Variants in PCCA observed in about 807,000 individuals in gnomAD.
PCCA encodes the protein propionyl-CoA carboxylase subunit alpha.
A neutral mutation model predicts 101.3 loss-of-function variants in PCCA; 74 were observed. The ratio of observed to expected loss-of-function variants is 0.73; its 90% confidence interval spans 0.61 to 0.89. The LOEUF is 0.89. Among genes scored for constraint, PCCA ranks in the 40% least tolerant of loss-of-function variants. PCCA has a pLI of 0.00. For synonymous variants in PCCA, 294 were observed against 313.6 expected (o/e 0.94, Z 0.66); for missense variants, 891 against 907.0 (o/e 0.98, Z 0.23).
intron 21 of PCCA, among the ~76,000 whole-genome samples, chr13:100,449,540 A>G (rs1425599226): frequency 2.0e-5 from 3 of 152,132 alleles, no homozygotes; most frequent in Non-Finnish European, 4.4e-5. Flanking sequence ...ATGCTGGAGT[A>G]TAGGGGCACA....
At chr13:100,109,154 A>C (rs1304342910) in intron 2 of PCCA, among the ~76,000 whole-genome samples, 1 of 152,260 alleles carries the variant, frequency 6.6e-6, no homozygotes, top group South Asian at 2.1e-4. Context: ...GAATGAGTAT[A>C]TATTACATGC....
chr13:100,270,365 A>C (rs2063226549), intron 11 of PCCA, among the ~76,000 whole-genome samples: 1 of 152,220 alleles, frequency 6.6e-6, no homozygotes, highest in African/African-American at 2.4e-5. Context: ...TGGAACAGTA[A>C]GAGTCTTCAA....
chr13:100,467,488 A>G (rs2082625136), intron 21 of PCCA, among the ~76,000 whole-genome samples: 1 of 152,162 alleles, frequency 6.6e-6, no homozygotes, highest in Non-Finnish European at 1.5e-5. Flanking sequence ...TCTTCTGCCC[A>G]GCCTCTTGAG....
At chr13:100,401,863 T>A (rs958327116) in intron 19 of PCCA, among the ~76,000 whole-genome samples, 1 of 152,218 alleles carries the variant, frequency 6.6e-6, no homozygotes, top group Non-Finnish European at 1.5e-5. Flanking sequence ...ATCTAACAAC[T>A]TGAATAGATA....
intron 12 of PCCA, among the ~76,000 whole-genome samples, chr13:100,290,598 C>T (rs1310675727): frequency 1.3e-5 from 2 of 152,132 alleles, no homozygotes; most frequent in Admixed American, 1.3e-4. Context: ...ATTAACCCTG[C>T]CTTTTAGTCC....
chr13:100,454,649 A>G (rs1336258404), intron 21 of PCCA, among the ~76,000 whole-genome samples: 5 of 152,230 alleles, frequency 3.3e-5, no homozygotes, highest in African/African-American at 7.2e-5. Context: ...AGAATTTTCT[A>G]TATAAGTTTG....
intron 19 of PCCA, among the ~76,000 whole-genome samples, chr13:100,403,627 T>C (rs2077498859): frequency 6.6e-6 from 1 of 152,120 alleles, no homozygotes; most frequent in South Asian, 2.1e-4. Context: ...TTTTCTTGGT[T>C]TAGCTAAGGA....
intron 18 of PCCA, among the ~76,000 whole-genome samples, chr13:100,365,596 A>C (rs2075082676): frequency 6.6e-6 from 1 of 152,246 alleles, no homozygotes; most frequent in Non-Finnish European, 1.5e-5. Context: ...TGCTATAATT[A>C]AGGAACAATT....
At chr13:100,240,931 T>TGC (rs1431819270) in intron 8 of PCCA, among the ~76,000 whole-genome samples, 2 of 147,458 alleles carry the variant, frequency 1.4e-5, no homozygotes, top group Admixed American at 6.8e-5. Context: ...TTTTGACATA[T>TGC]GCATATATAT....
chr13:100,436,464 C>A (rs995234674), intron 20 of PCCA, among the ~76,000 whole-genome samples: 1 of 152,152 alleles, frequency 6.6e-6, no homozygotes, highest in Non-Finnish European at 1.5e-5. Flanking sequence ...TCCGATTTCC[C>A]ATCTGCCACA....
intron 4 of PCCA, among the ~76,000 whole-genome samples, chr13:100,139,496 A>T (rs927419171): frequency 6.6e-6 from 1 of 151,606 alleles, no homozygotes; most frequent in African/African-American, 2.4e-5. Context: ...TTCCTTTGTC[A>T]TCTGTAGTCT....
rs182062975 is a variant in PCCA, at chr13:100,224,282, T to C, written c.601-11560T>C. 7.2e-3 allele frequency among the ~76,000 whole-genome samples: 1,090 copies of C among 152,330 alleles called. 22 individuals carry two copies. Among genetic ancestry groups the C allele is most frequent in the South Asian group, 0.027 (131 of 4,830 alleles). On this transcript the variant is annotated intron_variant, in intron 7 of 23. Transcript: ENST00000376285. ...GGTAACCCAGTACACCCTCTGCAGC[T>C]GCTGGCCAGGGTGCTAAGTCCCTCA...
At chr13:100,089,825 A>G (rs2152194491) in intron 1 of PCCA, among the ~76,000 whole-genome samples, 1 of 152,278 alleles carries the variant, frequency 6.6e-6, no homozygotes, top group Admixed American at 6.5e-5. Flanking sequence ...CCTTTTCGGT[A>G]TAGTGGTGAG....
At chr13:100,405,470 G>C (rs1000177302) in intron 19 of PCCA, among the ~76,000 whole-genome samples, 2 of 152,094 alleles carry the variant, frequency 1.3e-5, no homozygotes, top group African/African-American at 2.4e-5. Flanking sequence ...TTTCTCTCCA[G>C]TCCTCATTTT....
At chr13:100,332,733 G>T (rs1317746687) in intron 17 of PCCA, among the ~76,000 whole-genome samples, 1 of 152,148 alleles carries the variant, frequency 6.6e-6, no homozygotes, top group Non-Finnish European at 1.5e-5. Flanking sequence ...GCAGTTTTCT[G>T]TGATGCATAT....
intron 19 of PCCA, among the ~76,000 whole-genome samples, chr13:100,376,453 GC>G (rs1424654655): frequency 2.0e-5 from 3 of 152,216 alleles, no homozygotes; most frequent in Non-Finnish European, 4.4e-5. Context: ...GCCCACAGCT[GC>G]CCCTTCCCCC....
At chr13:100,265,895 G>T (rs938284802) in intron 10 of PCCA, among the ~76,000 whole-genome samples, 1 of 152,076 alleles carries the variant, frequency 6.6e-6, no homozygotes, top group African/African-American at 2.4e-5. Flanking sequence ...AGAATGGAGT[G>T]GGCTTTTACT....
At chr13:100,316,037 C>G (rs1315131727) in intron 16 of PCCA, among the ~76,000 whole-genome samples, 1 of 152,074 alleles carries the variant, frequency 6.6e-6, no homozygotes, top group Non-Finnish European at 1.5e-5. Flanking sequence ...TCTAGCTGAT[C>G]TTTTGAGCTC....
chr13:100,182,394 C>G (rs1306159282), intron 6 of PCCA, among the ~76,000 whole-genome samples: 2 of 152,086 alleles, frequency 1.3e-5, no homozygotes. Flanking sequence ...TGGCCAGTTA[C>G]TAATATTCAG....
Sources: allele counts gnomAD v4.1 joint callset (sites outside exome capture counted in the v4.1 genomes callset), GRCh38; gene constraint gnomAD v4.1.1; transcripts MANE v1.5; gene names NCBI Gene and HGNC (gene_info 2026-07-23, HGNC 2026-07-21).